Variants in DAGLB observed in about 807,000 individuals in gnomAD.
DAGLB encodes diacylglycerol lipase-beta.
A neutral mutation model predicts 72.1 loss-of-function variants in DAGLB; 66 were observed. That is an observed-to-expected ratio of 0.92 (90% confidence interval 0.75 to 1.12). The LOEUF (loss-of-function observed/expected upper bound fraction) is 1.12. Among genes scored for constraint, DAGLB ranks in the 50% most tolerant of loss-of-function variants. DAGLB has a pLI of 0.00. For missense variants in DAGLB, 1,065 were observed against 884.9 expected (o/e 1.20, Z -2.58); for synonymous variants, 414 against 359.5 (o/e 1.15, Z -1.71).
intron 11 of DAGLB, among the ~76,000 whole-genome samples, chr7:6,416,081 G>A (rs921774305): frequency 6.6e-6 from 1 of 152,054 alleles, no homozygotes; most frequent in African/African-American, 2.4e-5. Context: ...GGGTATGAGA[G>A]ATCCCTACAA....
intron 1 of DAGLB, among the ~76,000 whole-genome samples, chr7:6,446,874 G>A (rs1248875069): frequency 6.6e-6 from 1 of 152,102 alleles, no homozygotes; most frequent in East Asian, 1.9e-4. Context: ...GCTGGGCGTG[G>A]TGGCACGAGT....
chr7:6,435,150 A>C, intron 3 of DAGLB, 130 bp from the exon 4 acceptor site: 1 of 1,371,726 alleles, frequency 7.3e-7, no homozygotes, highest in East Asian at 2.3e-5. Flanking sequence ...AGGAAGATGC[A>C]GCTCTCCTGG....
At chr7:6,444,424 A>C (rs1177202013) in intron 2 of DAGLB, among the ~76,000 whole-genome samples, 1 of 152,122 alleles carries the variant, frequency 6.6e-6, no homozygotes, top group Non-Finnish European at 1.5e-5. Flanking sequence ...CAACATGGTA[A>C]AACCGCATCT....
chr7:6,412,617 G>A (rs1016469455), intron 13 of DAGLB, 194 bp downstream of exon 13: 13 of 641,694 alleles, frequency 2.0e-5, no homozygotes, highest in Non-Finnish European at 3.3e-5. Flanking sequence ...GACATTTCCC[G>A]CACTTGCTGC....
At chr7:6,447,707 T>C in intron 1 of DAGLB, 41 bp downstream of exon 1, 1 of 1,594,008 alleles carries the variant, frequency 6.3e-7, no homozygotes, top group Middle Eastern at 1.7e-4. Flanking sequence ...CCCCGCTCCC[T>C]CTCCGGTGGG....
At chr7:6,420,141 T>C (rs1784063534) in intron 9 of DAGLB, among the ~76,000 whole-genome samples, 1 of 150,652 alleles carries the variant, frequency 6.6e-6, no homozygotes, top group African/African-American at 2.5e-5. Flanking sequence ...AACAAGACCC[T>C]GTCTCAGAAA....
rs768738450 is a variant in DAGLB at position 6,413,043 on chromosome 7, CCAAA to C, written c.1428-13_1428-10del. ...ATTCCTGCAGAGCTTTGCTGAAATT[CCAAA>C]CAGAGAGAGGATGTTAGCTTTACGA... On this transcript the variant is annotated splice_polypyrimidine_tract_variant and intron_variant, in intron 11 of 14. Transcript: ENST00000297056. 158 of 1,611,360 alleles carry C rather than the reference CCAAA, an allele frequency of 9.8e-5. 1 individual carries two copies. The Middle Eastern group carries it at 1.2e-3, about 12-fold the overall frequency.
rs1784298872 is a variant in DAGLB, at chr7:6,425,969, C to T, written c.1056+19G>A. ...AGGACCCAAAAGAAGTGAAGAGCCGCTGTCTGCAGCGTCCACACCTTGTCA... is the reference window on the plus strand; with the variant it reads ...AGGACCCAAAAGAAGTGAAGAGCCGTTGTCTGCAGCGTCCACACCTTGTCA... On this transcript the variant is annotated intron_variant, in intron 7 of 14. Coordinates refer to ENST00000297056, the MANE Select transcript of DAGLB (RefSeq NM_139179.4). 1 of 1,613,076 alleles carries T rather than the reference C, an allele frequency of 6.2e-7. No individual in the cohort carries two copies. The highest frequency in any genetic ancestry group is 1.3e-5 in the African/African-American group (1 of 74,928).
At chr7:6,434,347 G>A (rs183165930) in intron 4 of DAGLB, among the ~76,000 whole-genome samples, 6 of 152,052 alleles carry the variant, frequency 3.9e-5, no homozygotes, top group African/African-American at 2.4e-5. Context: ...TAGCATCGTC[G>A]ATCATTTCCA....
chr7:6,446,717 A>G (rs1785016073), intron 1 of DAGLB, among the ~76,000 whole-genome samples: 1 of 151,876 alleles, frequency 6.6e-6, no homozygotes, highest in South Asian at 2.1e-4. Context: ...TGCCAACAAT[A>G]AAAGATCTAG....
intron 2 of DAGLB, among the ~76,000 whole-genome samples, chr7:6,441,342 C>T (rs555908173): frequency 9.2e-5 from 14 of 151,848 alleles, no homozygotes; most frequent in East Asian, 7.8e-4. Context: ...TCGCCCGCCT[C>T]GGCCTCCCAA....
Position 6,409,860 on chromosome 7 carries a change from C to A in DAGLB, c.1996G>T (p.Val666Phe). 6.2e-7 allele frequency: 1 copy of A among 1,614,002 alleles called. No homozygotes were observed. ...AACVSCPAQG[V>F]SSVDVA ...GGTCAGGCCACGTCCACACTGGAGA[C>A]CCCTTGTGCTGGACAGGAGACGCAG... is the stretch of plus-strand genomic sequence containing the variant. Residue 666 changes from valine to phenylalanine, a missense_variant, in exon 15 of 15, where the codon GTC becomes TTC. Physicochemically the swap from Val to Phe is conservative, Grantham distance 50. Transcript: ENST00000297056.
At chr7:6,412,554 G>C in intron 13 of DAGLB, 1 of 496,546 alleles carries the variant, frequency 2.0e-6, no homozygotes, top group Non-Finnish European at 3.6e-6. Context: ...CTGAGGTGCT[G>C]GGATTCCAGG....
intron 11 of DAGLB, chr7:6,416,363 G>A (rs1403412506): frequency 6.3e-6 from 2 of 315,666 alleles, no homozygotes; most frequent in Admixed American, 4.7e-5. Context: ...GGCCAACATG[G>A]TGAAACCCCA....
chr7:6,431,914 C>CCG (rs1784498757), intron 5 of DAGLB, among the ~76,000 whole-genome samples: 1 of 152,168 alleles, frequency 6.6e-6, no homozygotes, highest in African/African-American at 2.4e-5. Context: ...CAGATTCCAA[C>CCG]CCTGCTGCTA....
At position 6,411,733 on chromosome 7, in the gene DAGLB, C is replaced by G. The variant is rs546495684; in HGVS notation, c.1569+1078G>C. Among the ~76,000 whole-genome samples the G allele has an allele frequency of 3.7e-4, 56 of 152,238 alleles. No individual in the cohort carries two copies. In the South Asian group the frequency reaches 8.9e-3, roughly 24 times the overall value. The stretch of plus-strand genomic sequence containing the variant: ...AAGGTCAGAAAACAAAGGGATTAAA[C>G]AAGTAAAAATCATCTCTACCGACAC... On this transcript the variant is annotated intron_variant, in intron 13 of 14. Coordinates refer to ENST00000297056, the MANE Select transcript of DAGLB (RefSeq NM_139179.4).
chr7:6,421,972 G>A (rs1404990413), intron 8 of DAGLB, 168 bp from the exon 9 acceptor site: 2 of 753,282 alleles, frequency 2.7e-6, no homozygotes, highest in Non-Finnish European at 2.3e-6. Flanking sequence ...ACCCAGCGGT[G>A]GCTCCTGAGG....
At chr7:6,413,689 G>A (rs1261483609) in intron 11 of DAGLB, among the ~76,000 whole-genome samples, 2 of 151,414 alleles carry the variant, frequency 1.3e-5, no homozygotes, top group Admixed American at 1.3e-4. Context: ...GGCAACAGGC[G>A]ATTCACTGCG....
intron 2 of DAGLB, among the ~76,000 whole-genome samples, chr7:6,445,111 C>T: frequency 6.6e-6 from 1 of 152,170 alleles, no homozygotes; most frequent in East Asian, 1.9e-4. Flanking sequence ...ACACATGATC[C>T]AGCAATTCAC....
Sources: gnomAD v4.1 joint callset for allele counts (sites outside exome capture counted in the v4.1 genomes callset) on GRCh38, gnomAD v4.1.1 for gene constraint, MANE v1.5 for transcripts, NCBI Gene and HGNC (gene_info 2026-07-23, HGNC 2026-07-21) for gene names.